The following GLG1 variants were observed in gnomAD, a reference collection of about 807,000 sequenced individuals.
The protein encoded by GLG1 is golgi glycoprotein 1.
Under a neutral mutation model 160.5 loss-of-function variants are expected in GLG1, and 38 were observed. That is an observed-to-expected ratio of 0.24 (90% CI 0.18 to 0.31). The LOEUF (loss-of-function observed/expected upper bound fraction) is 0.31. Among genes scored for constraint, GLG1 ranks in the 10% least tolerant of loss-of-function variants. GLG1 has a pLI of 1.00. For missense variants in GLG1, 1,373 were observed against 1,505.2 expected (o/e 0.91, Z 1.45); for synonymous variants, 644 against 543.4 (o/e 1.19, Z -2.57).
intron 8 of GLG1, among the ~76,000 whole-genome samples, chr16:74,487,142 G>A (rs1036701779): frequency 2.6e-5 from 4 of 152,274 alleles, no homozygotes; most frequent in South Asian, 2.1e-4. Flanking sequence ...TTGAACTCAA[G>A]TGATCCGCCC....
At position 74,513,652 on chromosome 16, in the gene GLG1, C is replaced by G. The variant is rs967240950; in HGVS notation, c.472-4727G>C. On this transcript the variant is annotated intron_variant, in intron 2 of 25. Transcript: ENST00000422840. ...ACACCAAGACCCCATTCGTAGGTCA[C>G]CAACATCAAAGACCAAAGGTAGAAG... Among the ~76,000 whole-genome samples, 6 of 152,164 alleles carry G rather than the reference C, an allele frequency of 3.9e-5. No homozygotes were observed. In the East Asian group the frequency reaches 1.2e-3, roughly 29 times the overall value.
intron 9 of GLG1, among the ~76,000 whole-genome samples, chr16:74,484,808 G>T (rs1016107416): frequency 4.6e-5 from 7 of 152,136 alleles, no homozygotes; most frequent in Admixed American, 3.9e-4. Context: ...TAGAGACGGG[G>T]TTTCTCCATG....
At chr16:74,573,822 C>T (rs1444665664) in intron 1 of GLG1, among the ~76,000 whole-genome samples, 1 of 150,454 alleles carries the variant, frequency 6.6e-6, no homozygotes, top group Admixed American at 6.6e-5. Context: ...TAAACGGGGT[C>T]TCACTCTGTC....
chr16:74,495,141 T>C (rs1037837305), intron 5 of GLG1, among the ~76,000 whole-genome samples: 6 of 143,662 alleles, frequency 4.2e-5, no homozygotes, highest in Admixed American at 1.5e-4. Context: ...ATAGAGTCAG[T>C]CTTGCTCTGT....
chr16:74,546,157 C>T (rs2078330), intron 1 of GLG1, among the ~76,000 whole-genome samples: 16,380 of 152,074 alleles, frequency 0.11, 1,229 homozygotes, highest in South Asian at 0.36. Flanking sequence ...ATGTCTAAAA[C>T]ACAAGGCTTT....
chr16:74,514,953 G>T (rs1392465178), intron 2 of GLG1, among the ~76,000 whole-genome samples: 1 of 151,534 alleles, frequency 6.6e-6, no homozygotes, highest in Non-Finnish European at 1.5e-5. Flanking sequence ...GATCTACCAA[G>T]CAAATGGAAA....
chr16:74,549,591 TCTC>T (rs1308379867), intron 1 of GLG1, among the ~76,000 whole-genome samples: 1 of 152,172 alleles, frequency 6.6e-6, no homozygotes, highest in African/African-American at 2.4e-5. Context: ...TGGCCAGTCT[TCTC>T]CATCTTTTTA....
Position 74,597,694 on chromosome 16 carries a change from A to T in GLG1, c.438+8963T>A, listed in dbSNP as rs183204095. 2.2e-3 allele frequency among the ~76,000 whole-genome samples: 335 copies of T among 151,890 alleles called. 1 individual carries two copies. Among genetic ancestry groups the T allele is most frequent in the Middle Eastern group, 3.4e-3 (1 of 294 alleles). On this transcript the variant is annotated intron_variant, in intron 1 of 25. Coordinates refer to ENST00000422840, the MANE Select transcript of GLG1 (RefSeq NM_001145667.2). Reference sequence around the variant, plus strand: ...CAGTGAAATCCCATCTCTACTAAAAAATACAAAAAATTAGCCGGGCATGGT... The same window carrying T: ...CAGTGAAATCCCATCTCTACTAAAATATACAAAAAATTAGCCGGGCATGGT...
intron 1 of GLG1, among the ~76,000 whole-genome samples, chr16:74,551,987 G>C (rs1160139754): frequency 6.6e-6 from 1 of 151,510 alleles, no homozygotes; most frequent in African/African-American, 2.4e-5. Context: ...TCCTACCGAA[G>C]AGTTAAGTTT....
At chr16:74,587,270 C>A (rs1958075952) in intron 1 of GLG1, among the ~76,000 whole-genome samples, 1 of 152,154 alleles carries the variant, frequency 6.6e-6, no homozygotes, top group Non-Finnish European at 1.5e-5. Flanking sequence ...GGCTTCCCGG[C>A]TGCAACACAG....
chr16:74,477,768 G>A (rs1470260225), intron 11 of GLG1, among the ~76,000 whole-genome samples: 1 of 151,974 alleles, frequency 6.6e-6, no homozygotes. Context: ...GAGGTCGGGA[G>A]TTTGAGACCA....
At position 74,452,444 on chromosome 16, in the gene GLG1, C is replaced by T. The variant is rs2014351023; in HGVS notation, c.*723G>A. Reference sequence around the variant, plus strand: ...CCCCAGCTGCCCTTGTCTAGGAAGGCTCATGCTTTGCTTCAATGAAGCGAG... The same window carrying T: ...CCCCAGCTGCCCTTGTCTAGGAAGGTTCATGCTTTGCTTCAATGAAGCGAG... On this transcript the variant is annotated 3_prime_UTR_variant, in exon 26 of 26. Transcript: ENST00000422840. 1.8e-6 allele frequency: 2 copies of T among 1,119,152 alleles called. No homozygotes were observed. The highest frequency in any genetic ancestry group is 4.1e-5 in the Admixed American group (1 of 24,486). The allele number at this position is 1,119,152 out of a possible 1,614,324, so 69.3% of individuals were successfully genotyped here. A position where few individuals can be genotyped will look rare whatever the true frequency, so the allele number is the denominator to read the frequency against.
intron 4 of GLG1, among the ~76,000 whole-genome samples, chr16:74,498,967 T>C (rs2016312326): frequency 6.6e-6 from 1 of 152,184 alleles, no homozygotes; most frequent in Non-Finnish European, 1.5e-5. Flanking sequence ...TTTTTCTATT[T>C]TAATTAAAGG....
chr16:74,596,683 G>A (rs1958312239), intron 1 of GLG1, among the ~76,000 whole-genome samples: 1 of 152,232 alleles, frequency 6.6e-6, no homozygotes, highest in Non-Finnish European at 1.5e-5. Context: ...AGACAGTGCA[G>A]TCCTAGGTTA....
intron 15 of GLG1, among the ~76,000 whole-genome samples, chr16:74,470,907 G>A (rs2015185734): frequency 6.6e-6 from 1 of 152,102 alleles, no homozygotes; most frequent in Non-Finnish European, 1.5e-5. Context: ...ACAGGTGTGT[G>A]CCACCATGCC....
At chr16:74,524,264 T>C (rs904447291) in intron 2 of GLG1, among the ~76,000 whole-genome samples, 2 of 152,156 alleles carry the variant, frequency 1.3e-5, no homozygotes, top group African/African-American at 4.8e-5. Flanking sequence ...TTTTTAATTA[T>C]TACCTGTTTT....
At chr16:74,482,391 T>C (rs2216772) in intron 10 of GLG1, among the ~76,000 whole-genome samples, 144,045 of 152,244 alleles carry the variant, frequency 0.95, 68,343 homozygotes, top group East Asian at 1. Flanking sequence ...GAGAAGCAGT[T>C]GGATCCAGCA....
At chr16:74,552,926 A>C (rs1245910237) in intron 1 of GLG1, among the ~76,000 whole-genome samples, 1 of 152,068 alleles carries the variant, frequency 6.6e-6, no homozygotes, top group Non-Finnish European at 1.5e-5. Context: ...TTTTAAAAAA[A>C]ACTTGTTTTT....
chr16:74,484,901 AGCCACCAC>A (rs1460272802), intron 9 of GLG1, among the ~76,000 whole-genome samples: 1 of 151,672 alleles, frequency 6.6e-6, no homozygotes, highest in African/African-American at 2.4e-5. Context: ...TACAGGTGTG[AGCCACCAC>A]GCCTGGCTTG....
Sources: gnomAD v4.1 joint callset for allele counts (sites outside exome capture counted in the v4.1 genomes callset) on GRCh38, gnomAD v4.1.1 for gene constraint, MANE v1.5 for transcripts, NCBI Gene and HGNC (gene_info 2026-07-23, HGNC 2026-07-21) for gene names.